Variants in CUL2 observed in about 807,000 individuals in gnomAD.
The protein encoded by CUL2 is cullin-2.
A neutral mutation model predicts 110.2 loss-of-function variants in CUL2; 22 were observed. The ratio of observed to expected loss-of-function variants is 0.20; its 90% CI spans 0.14 to 0.28. CUL2 has a LOEUF of 0.28. CUL2 is among the 10% of genes least tolerant of loss of function. The pLI is 1.00. For synonymous variants in CUL2, 279 were observed against 293.2 expected (o/e 0.95, Z 0.49); for missense variants, 631 against 905.5 (o/e 0.70, Z 3.89).
chr10:35,021,929 C>T (rs4934531), intron 17 of CUL2, among the ~76,000 whole-genome samples: 16,599 of 132,256 alleles, frequency 0.13, 1,552 homozygotes, highest in East Asian at 0.21. Flanking sequence ...GGCGAGGGGG[C>T]ACCCGGCCCT....
intron 1 of CUL2, among the ~76,000 whole-genome samples, chr10:35,106,498 C>A (rs996924154): frequency 3.4e-5 from 5 of 146,108 alleles, no homozygotes; most frequent in Non-Finnish European, 3.0e-5. Flanking sequence ...TTTTTTTTTT[C>A]TTTTTTTTTC....
chr10:35,104,314 A>C (rs2087426227), intron 1 of CUL2, among the ~76,000 whole-genome samples: 1 of 152,146 alleles, frequency 6.6e-6, no homozygotes. Flanking sequence ...GACATGGTGT[A>C]GTGCATTTGT....
intron 1 of CUL2, among the ~76,000 whole-genome samples, chr10:35,079,926 A>C (rs936866717): frequency 7.9e-5 from 12 of 152,232 alleles, no homozygotes; most frequent in Non-Finnish European, 1.8e-4. Context: ...TAATGGCAGG[A>C]GGCATCCACA....
At chr10:35,107,149 T>C (rs186434402) in intron 1 of CUL2, among the ~76,000 whole-genome samples, 15 of 152,018 alleles carry the variant, frequency 9.9e-5, no homozygotes, top group African/African-American at 3.6e-4. Context: ...TAATTTTTTG[T>C]ATTTTCAGTA....
chr10:35,124,715 C>T lies in CUL2; in HGVS notation c.-51+1890G>A, dbSNP rs147066513. The stretch of plus-strand genomic sequence containing the variant: ...TTTGTAGGGAAAGGAGCCAAGAGGA[C>T]GAAAAAGGCTGTAGGTATGACTCTT... On this transcript the variant is annotated intron_variant, in intron 1 of 5. Transcript: ENST00000685421. Among the ~76,000 whole-genome samples, 172 of 151,910 alleles carry T rather than the reference C, an allele frequency of 1.1e-3. 1 individual carries two copies. Among genetic ancestry groups the T allele is most frequent in the African/African-American group, 3.7e-3 (152 of 41,416 alleles).
At chr10:35,012,993 A>G (rs1239755056) in intron 19 of CUL2, among the ~76,000 whole-genome samples, 5 of 152,200 alleles carry the variant, frequency 3.3e-5, no homozygotes, top group Admixed American at 3.3e-4. Context: ...CAGGTGGCTC[A>G]TTTGCATATG....
At chr10:35,087,471 G>A (rs765197579) in intron 1 of CUL2, among the ~76,000 whole-genome samples, 2 of 152,158 alleles carry the variant, frequency 1.3e-5, no homozygotes, top group African/African-American at 2.4e-5. Context: ...TTGGATGGCT[G>A]AATCACTCCT....
intron 17 of CUL2, among the ~76,000 whole-genome samples, chr10:35,019,301 T>C (rs1208319959): frequency 2.0e-5 from 3 of 152,068 alleles, no homozygotes; most frequent in Non-Finnish European, 4.4e-5. Context: ...CCAAAGAGCA[T>C]TAGGAGATCA....
chr10:35,087,400 G>A (rs1277541884), intron 1 of CUL2, among the ~76,000 whole-genome samples: 6 of 152,184 alleles, frequency 3.9e-5, no homozygotes. Flanking sequence ...CATGAAGCCA[G>A]AAATTTTTTA....
chr10:35,026,734 C>T (rs558740192), intron 16 of CUL2, among the ~76,000 whole-genome samples: 15 of 152,080 alleles, frequency 9.9e-5, no homozygotes, highest in Non-Finnish European at 1.9e-4. Context: ...CTACAAAGAC[C>T]AAAGTTATAA....
chr10:35,025,088 TC>T, intron 17 of CUL2, 43 bp downstream of exon 17: 1 of 1,440,010 alleles, frequency 6.9e-7, no homozygotes, highest in South Asian at 1.6e-5. Flanking sequence ...AATATAATCA[TC>T]AGGTAAATTT....
chr10:35,096,202 C>T (rs66620544), intron 2 of CUL2, among the ~76,000 whole-genome samples: 20,550 of 151,932 alleles, frequency 0.14, 1,574 homozygotes, highest in South Asian at 0.2. Flanking sequence ...GAGTTGAGAT[C>T]TTGCCACTCC....
At chr10:35,123,115 G>A (rs1257542219) in intron 1 of CUL2, among the ~76,000 whole-genome samples, 6 of 152,032 alleles carry the variant, frequency 3.9e-5, no homozygotes, top group African/African-American at 1.2e-4. Flanking sequence ...TCCAGCCAGG[G>A]TGACAGAGTG....
At chr10:35,097,491 CAAAAAAAAAAAA>C (rs71523359) in intron 2 of CUL2, among the ~76,000 whole-genome samples, 1 of 92,638 alleles carries the variant, frequency 1.1e-5, no homozygotes, top group Non-Finnish European at 2.1e-5. Context: ...CCCCCTGTCT[CAAAAAAAAAAAA>C]AAAAAAAGAA....
At chr10:35,100,232 C>CA (rs1406398931) in intron 2 of CUL2, among the ~76,000 whole-genome samples, 1 of 151,982 alleles carries the variant, frequency 6.6e-6, no homozygotes, top group African/African-American at 2.4e-5. Flanking sequence ...AGAAATAAAA[C>CA]AAAGAAAAAA....
chr10:35,110,700 C>T (rs2087514004), intron 1 of CUL2, among the ~76,000 whole-genome samples: 1 of 152,170 alleles, frequency 6.6e-6, no homozygotes, highest in African/African-American at 2.4e-5. Flanking sequence ...CTCTCCTTGG[C>T]TTGCAGATTG....
At chr10:35,080,474 T>TTTAC (rs1328133727) in intron 1 of CUL2, among the ~76,000 whole-genome samples, 1 of 149,746 alleles carries the variant, frequency 6.7e-6, no homozygotes, top group African/African-American at 2.5e-5. Context: ...TATTTATTTA[T>TTTAC]TTATTTTTGA....
intron 20 of CUL2, among the ~76,000 whole-genome samples, chr10:35,011,081 C>A (rs1377454924): frequency 6.6e-6 from 1 of 152,112 alleles, no homozygotes; most frequent in African/African-American, 2.4e-5. Context: ...TTATTATTAT[C>A]ATTTGAGATA....
At chr10:35,026,806 A>G (rs1349086405) in intron 16 of CUL2, among the ~76,000 whole-genome samples, 2 of 152,190 alleles carry the variant, frequency 1.3e-5, no homozygotes, top group Non-Finnish European at 2.9e-5. Flanking sequence ...TAAAAAATAT[A>G]TGTTGACTAA....
Sources: allele counts gnomAD v4.1 joint callset (sites outside exome capture counted in the v4.1 genomes callset), GRCh38; gene constraint gnomAD v4.1.1; transcripts MANE v1.5; gene names NCBI Gene and HGNC (gene_info 2026-07-23, HGNC 2026-07-21).